Variants in MTUS1 observed in about 807,000 individuals in gnomAD.
The protein encoded by MTUS1 is microtubule-associated tumor suppressor 1.
A neutral mutation model predicts 120.8 loss-of-function variants in MTUS1; 109 were observed. The ratio of observed to expected loss-of-function variants is 0.90; its 90% CI spans 0.77 to 1.06. MTUS1 has a LOEUF of 1.06. Ranked by LOEUF, MTUS1 falls within the 50% of genes least tolerant of loss-of-function variation. The pLI is 0.00. For missense variants in MTUS1, 2,210 were observed against 1,486.3 expected, an observed-to-expected ratio of 1.49 and a Z score of -8.01; for synonymous variants, 737 against 550.5, an observed-to-expected ratio of 1.34 and a Z score of -4.74.
chr8:17,693,601 A>T (rs575346142), intron 6 of MTUS1, among the ~76,000 whole-genome samples: 5 of 152,304 alleles, frequency 3.3e-5, no homozygotes, highest in African/African-American at 1.2e-4. Flanking sequence ...AGGTTTTTAC[A>T]TGCTGTTTTC....
At chr8:17,792,651 G>A (rs2131589610) in intron 1 of MTUS1, among the ~76,000 whole-genome samples, 1 of 152,358 alleles carries the variant, frequency 6.6e-6, no homozygotes, top group African/African-American at 2.4e-5. Flanking sequence ...ATCGCCTGAG[G>A]CCAGGAGATT....
At chr8:17,801,245 C>T (rs1420069037), upstream of MTUS1, 1 of 151,290 alleles carries the variant, frequency 6.6e-6, no homozygotes, top group African/African-American at 2.4e-5. Flanking sequence ...ACCCGGAGCC[C>T]CGGCCTCCCC....
chr8:17,655,837 C>G (rs1451549583), intron 9 of MTUS1, 26 bp downstream of exon 9: 1 of 1,610,046 alleles, frequency 6.2e-7, no homozygotes. Flanking sequence ...AGGCCTCAGA[C>G]AAGCTCTGGC....
chr8:17,723,871 T>A, intron 3 of MTUS1, 38 bp from the exon 4 acceptor site: 1 of 1,500,586 alleles, frequency 6.7e-7, no homozygotes, highest in South Asian at 1.4e-5. Context: ...TCCAGTGCTA[T>A]TCATCCCGAA....
chr8:17,661,322 T>G (rs189926393), intron 8 of MTUS1, among the ~76,000 whole-genome samples: 1 of 152,232 alleles, frequency 6.6e-6, no homozygotes, highest in African/African-American at 2.4e-5. Flanking sequence ...CTCTTAAAAT[T>G]TCCGGTATTT....
rs1239976978 is a variant in MTUS1 at position 17,645,990 on chromosome 8, G to C, written c.3749C>G (p.Ala1250Gly). Residue 1250 changes from alanine (A) to glycine (G), a missense_variant, in exon 15 of 15, where the codon GCC becomes GGC. Physicochemically the swap from Ala to Gly is moderately conservative, Grantham distance 60. Transcript: ENST00000693296. The part of the protein sequence containing the change: ...CSPKRSPTSS[A>G]IPLQSPRNSG... Reference sequence around the variant, plus strand: ...ATTCCTTGGTGACTGCAAAGGGATGGCGGAGGATGTGGGGGATCTCTTGGG... The same window carrying C: ...ATTCCTTGGTGACTGCAAAGGGATGCCGGAGGATGTGGGGGATCTCTTGGG... The C allele has an allele frequency of 1.9e-6, 3 of 1,613,462 alleles. No homozygotes were observed. The African/African-American group carries it at 4.0e-5, about 22-fold the overall frequency.
intron 6 of MTUS1, among the ~76,000 whole-genome samples, chr8:17,688,420 G>A (rs1444864593): frequency 1.3e-5 from 2 of 152,204 alleles, no homozygotes; most frequent in East Asian, 1.9e-4. Context: ...CTGTAAAAAG[G>A]TGACAGTCAC....
At chr8:17,658,226 T>C (rs1164436353) in intron 8 of MTUS1, among the ~76,000 whole-genome samples, 1 of 152,140 alleles carries the variant, frequency 6.6e-6, no homozygotes, top group Non-Finnish European at 1.5e-5. Flanking sequence ...AGTAGACACA[T>C]GGTTTTACCA....
intron 6 of MTUS1, among the ~76,000 whole-genome samples, chr8:17,703,367 C>T (rs935810731): frequency 2.0e-5 from 3 of 152,134 alleles, no homozygotes; most frequent in Non-Finnish European, 4.4e-5. Context: ...GGTGCGGTGG[C>T]TCACGCCTGT....
intron 7 of MTUS1, among the ~76,000 whole-genome samples, chr8:17,679,388 G>A (rs984545174): frequency 6.6e-6 from 1 of 151,636 alleles, no homozygotes; most frequent in East Asian, 1.9e-4. Context: ...TATAAACACA[G>A]TATATATACT....
chr8:17,657,110 AATTT>A (rs1447517064), intron 8 of MTUS1, among the ~76,000 whole-genome samples: 1 of 151,306 alleles, frequency 6.6e-6, no homozygotes, highest in African/African-American at 2.4e-5. Context: ...ACTTGTAGTT[AATTT>A]GAGTTGATTA....
intron 6 of MTUS1, among the ~76,000 whole-genome samples, chr8:17,686,086 C>T (rs1045989432): frequency 2.0e-5 from 3 of 152,192 alleles, no homozygotes; most frequent in Admixed American, 6.5e-5. Flanking sequence ...CACAGTGTTT[C>T]GCTCATCACA....
intron 7 of MTUS1, among the ~76,000 whole-genome samples, chr8:17,682,511 C>G (rs1461342988): frequency 9.5e-5 from 8 of 83,806 alleles, no homozygotes; most frequent in African/African-American, 3.2e-4. Context: ...GAGCAAGACT[C>G]CATCCCAAAA....
chr8:17,718,582 G>T (rs1367141460), intron 4 of MTUS1, among the ~76,000 whole-genome samples: 2 of 152,100 alleles, frequency 1.3e-5, no homozygotes, highest in Non-Finnish European at 2.9e-5. Context: ...CAGTGTTCTA[G>T]AGAGCCATGG....
At chr8:17,724,480 C>T (rs1021802067) in intron 3 of MTUS1, among the ~76,000 whole-genome samples, 4 of 151,368 alleles carry the variant, frequency 2.6e-5, no homozygotes, top group Non-Finnish European at 4.4e-5. Context: ...TGGTGCTATA[C>T]TATTAAGATT....
chr8:17,787,793 G>A (rs570377279), intron 1 of MTUS1, among the ~76,000 whole-genome samples: 2 of 152,278 alleles, frequency 1.3e-5, no homozygotes, highest in African/African-American at 4.8e-5. Context: ...TCACTTTTCT[G>A]ATGACCAAAG....
chr8:17,683,056 G>C (rs886252938), intron 7 of MTUS1, among the ~76,000 whole-genome samples: 2 of 152,154 alleles, frequency 1.3e-5, no homozygotes, highest in Admixed American at 6.5e-5. Flanking sequence ...ACAGATCACA[G>C]GGTCAGGAGA....
At chr8:17,756,671 A>AACCCCCCCC (rs2048636698) in intron 1 of MTUS1, among the ~76,000 whole-genome samples, 19 of 117,540 alleles carry the variant, frequency 1.6e-4, no homozygotes, top group East Asian at 5.3e-4. Flanking sequence ...TCAAGCCCAA[A>AACCCCCCCC]CCCCCACCCC....
chr8:17,719,435 A>G (rs767206004), intron 4 of MTUS1, among the ~76,000 whole-genome samples: 2 of 152,238 alleles, frequency 1.3e-5, no homozygotes, highest in Non-Finnish European at 2.9e-5. Context: ...CAACTATATA[A>G]TAACAAGAAT....
Sources: gnomAD v4.1 joint callset for allele counts (sites outside exome capture counted in the v4.1 genomes callset) on GRCh38, gnomAD v4.1.1 for gene constraint, MANE v1.5 for transcripts, NCBI Gene and HGNC (gene_info 2026-07-23, HGNC 2026-07-21) for gene names.